The following ROBO2 variants were observed in gnomAD, a reference collection of about 807,000 sequenced individuals.
The protein encoded by ROBO2 is roundabout guidance receptor 2.
A neutral mutation model predicts 160.8 loss-of-function variants in ROBO2; 53 were observed. The ratio of observed to expected loss-of-function variants is 0.33; its 90% CI spans 0.26 to 0.41. The LOEUF is 0.41. Ranked by LOEUF, ROBO2 falls within the 10% of genes least tolerant of loss-of-function variation. ROBO2 has a pLI of 1.00. For synonymous variants in ROBO2, 664 were observed against 611.7 expected (o/e 1.09, Z -1.26); for missense variants, 1,577 against 1,722.4 (o/e 0.92, Z 1.49).
chr3:76,991,205 C>G (rs980470136), intron 2 of ROBO2, among the ~76,000 whole-genome samples: 1 of 152,108 alleles, frequency 6.6e-6, no homozygotes, highest in Non-Finnish European at 1.5e-5. Context: ...AAGAATTGAG[C>G]TTGCTGCAGA....
chr3:77,016,382 C>T (rs536474457), intron 2 of ROBO2, among the ~76,000 whole-genome samples: 2 of 152,042 alleles, frequency 1.3e-5, no homozygotes, highest in Non-Finnish European at 2.9e-5. Flanking sequence ...CTATGTCTCT[C>T]CATTAAAGAA....
At chr3:77,580,824 C>G (rs778788769) in intron 16 of ROBO2, among the ~76,000 whole-genome samples, 4 of 152,066 alleles carry the variant, frequency 2.6e-5, no homozygotes, top group Non-Finnish European at 4.4e-5. Context: ...ATGAATATTA[C>G]TGTGTAAATG....
At chr3:76,734,213 T>C (rs552848445) in intron 2 of ROBO2, among the ~76,000 whole-genome samples, 2 of 152,286 alleles carry the variant, frequency 1.3e-5, no homozygotes, top group East Asian at 1.9e-4. Flanking sequence ...TTTATCAAGA[T>C]ATATGTTAAT....
chr3:77,391,275 A>G (rs545269558), intron 2 of ROBO2, among the ~76,000 whole-genome samples: 42 of 152,156 alleles, frequency 2.8e-4, no homozygotes, highest in Admixed American at 4.6e-4. Flanking sequence ...TTTGCATTAT[A>G]GTATAATTTA....
chr3:77,121,589 T>G (rs1271465913), intron 2 of ROBO2, among the ~76,000 whole-genome samples: 2 of 152,136 alleles, frequency 1.3e-5, no homozygotes, highest in Non-Finnish European at 2.9e-5. Flanking sequence ...CTTATTTACT[T>G]AAATTAAATA....
chr3:76,149,371 T>C (rs982961436), intron 2 of ROBO2, among the ~76,000 whole-genome samples: 2 of 152,120 alleles, frequency 1.3e-5, no homozygotes, highest in Admixed American at 1.3e-4. Flanking sequence ...TGCTCACCTT[T>C]TTCTCCTTGA....
chr3:76,682,301 G>T (rs2092583668), intron 2 of ROBO2, among the ~76,000 whole-genome samples: 1 of 152,156 alleles, frequency 6.6e-6, no homozygotes, highest in African/African-American at 2.4e-5. Context: ...TCTGGTGCAG[G>T]ATGTCAGTAG....
intron 2 of ROBO2, among the ~76,000 whole-genome samples, chr3:76,302,642 T>C (rs1709419965): frequency 6.6e-6 from 1 of 152,124 alleles, no homozygotes; most frequent in Admixed American, 6.6e-5. Flanking sequence ...TACTTTCCAT[T>C]GTATTACAAT....
intron 2 of ROBO2, among the ~76,000 whole-genome samples, chr3:76,312,082 A>G (rs1332785657): frequency 6.6e-6 from 1 of 152,232 alleles, no homozygotes; most frequent in East Asian, 1.9e-4. Context: ...ATTTGTTTAT[A>G]TAAACACAAG....
intron 2 of ROBO2, among the ~76,000 whole-genome samples, chr3:75,985,513 A>G (rs2065391282): frequency 6.6e-6 from 1 of 151,600 alleles, no homozygotes; most frequent in South Asian, 2.1e-4. Context: ...CAATTTCACT[A>G]GGCAATAGGA....
Position 76,040,340 on chromosome 3 carries a change from T to C in ROBO2, c.109+102738T>C, listed in dbSNP as rs937949634. 3.4e-4 allele frequency among the ~76,000 whole-genome samples: 51 copies of C among 151,964 alleles called. 1 individual carries two copies. Among genetic ancestry groups the C allele is most frequent in the Non-Finnish European group, 6.8e-4 (46 of 67,988 alleles). On this transcript the variant is annotated intron_variant, in intron 2 of 26. Coordinates refer to the ROBO2 transcript ENST00000487694. The stretch of plus-strand genomic sequence containing the variant: ...CTTTTATAAATCTAATTAACAAAAA[T>C]AGTGGCCCTAAAATGCATCTAGTTG...
intron 2 of ROBO2, among the ~76,000 whole-genome samples, chr3:76,814,229 G>T (rs2109032709): frequency 6.6e-6 from 1 of 152,256 alleles, no homozygotes; most frequent in African/African-American, 2.4e-5. Flanking sequence ...TGTGGGCACT[G>T]CAAATGCTAG....
intron 1 of ROBO2, among the ~76,000 whole-genome samples, chr3:77,051,055 G>A (rs2065187063): frequency 6.6e-6 from 1 of 151,390 alleles, no homozygotes; most frequent in African/African-American, 2.4e-5. Flanking sequence ...GGGCATATGA[G>A]CCCTGAACTC....
intron 2 of ROBO2, among the ~76,000 whole-genome samples, chr3:76,463,382 A>C (rs202115159): frequency 1.4e-5 from 1 of 71,636 alleles, no homozygotes; most frequent in Non-Finnish European, 2.6e-5. Context: ...GGAAAAAAAA[A>C]CAAAATAAAA....
At chr3:76,591,691 T>C (rs983888374) in intron 2 of ROBO2, among the ~76,000 whole-genome samples, 1 of 152,134 alleles carries the variant, frequency 6.6e-6, no homozygotes. Flanking sequence ...CAAATCATTG[T>C]GCATTTTGTC....
rs1406858148 is a variant in ROBO2, at chr3:76,434,894, G to A, written c.109+497292G>A. The A allele has an allele frequency of 3.1e-6, 5 of 1,595,198 alleles. No homozygotes were observed. The East Asian group carries it at 1.1e-4, about 36-fold the overall frequency. ...GTGGTCCAGTATGCAGTGGCCCCAAGCCATTCTCTGCACCTAAACCCCAAA... is the reference window on the plus strand; with the variant it reads ...GTGGTCCAGTATGCAGTGGCCCCAAACCATTCTCTGCACCTAAACCCCAAA... On this transcript the variant is annotated intron_variant, in intron 2 of 26. Transcript: ENST00000487694.
chr3:77,037,634 C>A (rs2063718777), upstream of ROBO2, among the ~76,000 whole-genome samples: 1 of 152,064 alleles, frequency 6.6e-6, no homozygotes, highest in Non-Finnish European at 1.5e-5. Flanking sequence ...GCTGATCTCG[C>A]CCAATCTATC....
intron 17 of ROBO2, among the ~76,000 whole-genome samples, chr3:77,594,819 C>T (rs2094260277): frequency 2.0e-5 from 3 of 152,130 alleles, no homozygotes; most frequent in Non-Finnish European, 4.4e-5. Context: ...GATAAATTCA[C>T]AATAATGCTA....
chr3:77,571,745 C>T (rs1421109348), intron 13 of ROBO2, among the ~76,000 whole-genome samples: 1 of 151,890 alleles, frequency 6.6e-6, no homozygotes, highest in Non-Finnish European at 1.5e-5. Context: ...AAACTCGTAA[C>T]AAACATATGG....
Sources: allele counts gnomAD v4.1 joint callset (sites outside exome capture counted in the v4.1 genomes callset), GRCh38; gene constraint gnomAD v4.1.1; transcripts MANE v1.5; gene names NCBI Gene and HGNC (gene_info 2026-07-23, HGNC 2026-07-21).